Variants in LYN observed in about 807,000 individuals in gnomAD.
LYN encodes LYN proto-oncogene, Src family tyrosine kinase.
LYN carries 12 observed loss-of-function variants against 65.0 expected under a neutral mutation model. That is an observed-to-expected ratio of 0.18 (90% confidence interval 0.12 to 0.30). LYN has a LOEUF of 0.30. LYN is among the 10% of genes least tolerant of loss of function. LYN has a pLI of 1.00. For synonymous variants in LYN, 222 were observed against 221.2 expected (o/e 1.00, Z -0.03); for missense variants, 380 against 623.2 (o/e 0.61, Z 4.16).
At chr8:55,888,279 G>A (rs1804858564) in intron 1 of LYN, among the ~76,000 whole-genome samples, 1 of 152,188 alleles carries the variant, frequency 6.6e-6, no homozygotes. Context: ...AGGACAGCCT[G>A]ACTATGCAGG....
chr8:55,911,113 ATACG>A (rs1805596608), intron 1 of LYN, among the ~76,000 whole-genome samples: 1 of 31,736 alleles, frequency 3.2e-5, no homozygotes. Context: ...ACACGTATAT[ATACG>A]TATATATATA....
rs987486141 is a variant in LYN, at chr8:56,013,965, C to T, written c.*3855C>T. 2 of 152,172 alleles carry T rather than the reference C, an allele frequency of 1.3e-5. No homozygotes were observed. The highest frequency in any genetic ancestry group is 4.8e-5 in the African/African-American group (2 of 41,438). The allele number at this position is 152,172 out of a possible 1,614,324, so 9.4% of individuals were successfully genotyped here. A position where few individuals can be genotyped will look rare whatever the true frequency, so the allele number is the denominator to read the frequency against. Reference sequence around the variant, plus strand: ...TGGTAATTATAAACATACAAAGATACCCATACACACATTCTTTACTCAGGG... The same window carrying T: ...TGGTAATTATAAACATACAAAGATATCCATACACACATTCTTTACTCAGGG... On this transcript the variant is annotated 3_prime_UTR_variant, in exon 13 of 13. Transcript: ENST00000519728.
Position 55,966,696 on chromosome 8 carries a change from C to A in LYN, c.791-19C>A, listed in dbSNP as rs1380043798. 2 of 1,608,172 alleles carry A rather than the reference C, an allele frequency of 1.2e-6. No homozygotes were observed. Among genetic ancestry groups the A allele is most frequent in the Non-Finnish European group, 1.7e-6 (2 of 1,176,906 alleles). On this transcript the variant is annotated intron_variant, in intron 8 of 12. Coordinates refer to ENST00000519728, the MANE Select transcript of LYN (RefSeq NM_002350.4). The stretch of plus-strand genomic sequence containing the variant: ...TTTTCTGTTTTATAAAGCATGCCCG[C>A]CTTCTTTTTTCTTCCTAGGTTACTA...
At chr8:55,978,385 C>T (rs1585660103) in intron 10 of LYN, among the ~76,000 whole-genome samples, 1 of 152,218 alleles carries the variant, frequency 6.6e-6, no homozygotes, top group African/African-American at 2.4e-5. Context: ...CATGGGGCAG[C>T]TGAGGACCGC....
intron 2 of LYN, among the ~76,000 whole-genome samples, chr8:55,944,814 C>A (rs893725619): frequency 6.6e-6 from 1 of 152,144 alleles, no homozygotes; most frequent in South Asian, 2.1e-4. Context: ...ATAAAGATGT[C>A]CTTTATTCAG....
intron 12 of LYN, among the ~76,000 whole-genome samples, chr8:56,003,316 C>T (rs1041547784): frequency 2.6e-5 from 4 of 152,120 alleles, no homozygotes; most frequent in African/African-American, 9.7e-5. Flanking sequence ...CCGCCTTGGC[C>T]TGCCAAAGTG....
intron 1 of LYN, among the ~76,000 whole-genome samples, chr8:55,881,047 C>T (rs966111506): frequency 6.6e-6 from 1 of 152,174 alleles, no homozygotes; most frequent in Non-Finnish European, 1.5e-5. Context: ...TTGAAATTCC[C>T]TGTTTGAGTT....
At chr8:55,935,450 C>A (rs1806401593) in intron 1 of LYN, among the ~76,000 whole-genome samples, 1 of 152,132 alleles carries the variant, frequency 6.6e-6, no homozygotes, top group African/African-American at 2.4e-5. Context: ...GACGGTCTGG[C>A]TAGGTCCTTT....
chr8:55,908,991 A>ATG (rs1805510146), intron 1 of LYN, among the ~76,000 whole-genome samples: 2 of 16,948 alleles, frequency 1.2e-4, no homozygotes, highest in East Asian at 3.1e-3. Flanking sequence ...TTGTGTATGT[A>ATG]TATATATATA....
chr8:56,014,127 C>T lies in LYN; in HGVS notation c.*4017C>T, dbSNP rs1002863317. On this transcript the variant is annotated 3_prime_UTR_variant, in exon 13 of 13. Coordinates refer to ENST00000519728, the MANE Select transcript of LYN (RefSeq NM_002350.4). ...AGCCACAGAAGGAATAGATTGGCTTCGCTTCATATTGTTTCCTTGTGAAAT... is the reference window on the plus strand; with the variant it reads ...AGCCACAGAAGGAATAGATTGGCTTTGCTTCATATTGTTTCCTTGTGAAAT... 2.0e-5 allele frequency: 3 copies of T among 152,212 alleles called. No individual in the cohort carries two copies. The highest frequency in any genetic ancestry group is 4.8e-5 in the African/African-American group (2 of 41,440). 9.4% of individuals were successfully genotyped at this position (152,212 alleles called of 1,614,324 possible). A position where few individuals can be genotyped will look rare whatever the true frequency, so the allele number is the denominator to read the frequency against.
In LYN at chr8:55,952,152, A is replaced by G. The variant is rs369754051; in HGVS notation, c.637+37A>G. ...CTGAAGGTTCAACAAGACAAGATAT[A>G]TTTGTTATGATATGTATAAGACGTC... On this transcript the variant is annotated intron_variant, in intron 7 of 12. Transcript: ENST00000519728. The G allele has an allele frequency of 3.9e-6, 6 of 1,527,072 alleles. No individual in the cohort carries two copies. The African/African-American group carries it at 7.0e-5, about 18-fold the overall frequency. The allele number at this position is 1,527,072 out of a possible 1,614,324, so 94.6% of individuals were successfully genotyped here.
At chr8:55,921,696 G>A (rs1162798404) in intron 1 of LYN, among the ~76,000 whole-genome samples, 1 of 152,214 alleles carries the variant, frequency 6.6e-6, no homozygotes, top group Admixed American at 6.5e-5. Context: ...AGTAACACAG[G>A]TGATGGTGAG....
chr8:55,937,054 T>C (rs999489484), intron 1 of LYN, among the ~76,000 whole-genome samples: 2 of 152,244 alleles, frequency 1.3e-5, no homozygotes, highest in Non-Finnish European at 2.9e-5. Flanking sequence ...CCAGTTGATA[T>C]TGCAAAGTCA....
intron 10 of LYN, among the ~76,000 whole-genome samples, chr8:55,975,112 G>A (rs1430576901): frequency 2.0e-5 from 3 of 152,198 alleles, no homozygotes; most frequent in African/African-American, 7.2e-5. Flanking sequence ...TCTGAGCCGG[G>A]TGCCGCTGTG....
At chr8:55,983,793 A>C (rs1168682923) in intron 10 of LYN, among the ~76,000 whole-genome samples, 1 of 152,128 alleles carries the variant, frequency 6.6e-6, no homozygotes, top group Non-Finnish European at 1.5e-5. Context: ...AATGTCCCAG[A>C]ACTCACTCTT....
At chr8:55,924,401 G>A (rs777006723) in intron 1 of LYN, among the ~76,000 whole-genome samples, 2 of 149,958 alleles carry the variant, frequency 1.3e-5, no homozygotes, top group Non-Finnish European at 3.0e-5. Context: ...CTTGCTCTAT[G>A]ATCCAGGCTG....
At chr8:55,909,154 G>T (rs140220848) in intron 1 of LYN, among the ~76,000 whole-genome samples, 204 of 151,898 alleles carry the variant, frequency 1.3e-3, no homozygotes, top group African/African-American at 4.4e-3. Context: ...CTGCTAAGTA[G>T]GAAACCCTGA....
chr8:55,946,619 CTT>C (rs1216312415), intron 3 of LYN, 126 bp downstream of exon 3: 9 of 668,298 alleles, frequency 1.3e-5, no homozygotes, highest in Non-Finnish European at 2.4e-5. Context: ...AATTTACCCT[CTT>C]AACTATTTTT....
At chr8:55,926,445 A>G (rs1806112430) in intron 1 of LYN, among the ~76,000 whole-genome samples, 1 of 152,248 alleles carries the variant, frequency 6.6e-6, no homozygotes, top group Admixed American at 6.5e-5. Flanking sequence ...AGCCTAATTT[A>G]ACTGTGCATT....
Sources: allele counts gnomAD v4.1 joint callset (sites outside exome capture counted in the v4.1 genomes callset), GRCh38; gene constraint gnomAD v4.1.1; transcripts MANE v1.5; gene names NCBI Gene and HGNC (gene_info 2026-07-23, HGNC 2026-07-21).